MSRA: variants seen among roughly 807,000 people sequenced by gnomAD.
MSRA encodes methionine sulfoxide reductase A.
MSRA carries 54 observed loss-of-function variants against 31.3 expected under a neutral mutation model. That is an observed-to-expected ratio of 1.73 (90% CI 1.39 to 2.17). The LOEUF is 2.17. Ranked by LOEUF, MSRA falls within the 30% of genes most tolerant of loss-of-function variation. The probability of loss-of-function intolerance (pLI) is 0.00; values close to 1 mark genes in which losing one functional copy is unlikely to be tolerated. For synonymous variants in MSRA, 169 were observed against 116.5 expected (o/e 1.45, Z -2.90); for missense variants, 507 against 300.9 (o/e 1.69, Z -5.07).
chr8:10,251,155 C>T (rs987170804), intron 3 of MSRA, among the ~76,000 whole-genome samples: 1 of 151,850 alleles, frequency 6.6e-6, no homozygotes, highest in Non-Finnish European at 1.5e-5. Context: ...CTTGAGAACT[C>T]TAACTGAGCA....
intron 5 of MSRA, among the ~76,000 whole-genome samples, chr8:10,376,821 A>G (rs1341135737): frequency 6.6e-6 from 1 of 152,238 alleles, no homozygotes; most frequent in Non-Finnish European, 1.5e-5. Flanking sequence ...AGAGATTTTC[A>G]TCTAGTGAAA....
At chr8:10,159,862 A>G (rs1018153549) in intron 1 of MSRA, among the ~76,000 whole-genome samples, 3 of 152,174 alleles carry the variant, frequency 2.0e-5, no homozygotes, top group Non-Finnish European at 4.4e-5. Context: ...ACAGGTTTTT[A>G]TGTTTTTGAG....
chr8:10,097,548 G>A lies in MSRA; in HGVS notation c.142+42890G>A, dbSNP rs144295850. Among the ~76,000 whole-genome samples, 1,111 of 152,204 alleles carry A rather than the reference G, an allele frequency of 7.3e-3. 12 individuals are homozygous for A. Among genetic ancestry groups the A allele is most frequent in the African/African-American group, 0.023 (964 of 41,540 alleles). ...ATTGAGCTTCATTTTAATACTGACC[G>A]TCTTATTGCCGATTTATATTTACTT... On this transcript the variant is annotated intron_variant, in intron 1 of 5. Transcript: ENST00000317173.
At chr8:10,074,666 T>G (rs993791579) in intron 1 of MSRA, among the ~76,000 whole-genome samples, 1 of 152,166 alleles carries the variant, frequency 6.6e-6, no homozygotes, top group African/African-American at 2.4e-5. Flanking sequence ...TTTTCTTTTC[T>G]TTTCTTTTTT....
intron 2 of MSRA, among the ~76,000 whole-genome samples, chr8:10,232,641 T>C (rs193113391): frequency 6.6e-5 from 10 of 152,344 alleles, no homozygotes; most frequent in Admixed American, 4.6e-4. Context: ...TTCTTTAAGG[T>C]TCTTCCTGAA....
chr8:10,330,006 A>ATGTGTGTGTGTGTGTGTG (rs72198519), intron 5 of MSRA, among the ~76,000 whole-genome samples: 3 of 135,376 alleles, frequency 2.2e-5, no homozygotes, highest in Non-Finnish European at 3.1e-5. Flanking sequence ...AGAGAAAAAA[A>ATGTGTGTGTGTGTGTGTG]TGTGTGTGTG....
intron 4 of MSRA, among the ~76,000 whole-genome samples, chr8:10,304,786 T>A (rs1459764596): frequency 6.6e-6 from 1 of 152,190 alleles, no homozygotes; most frequent in African/African-American, 2.4e-5. Context: ...TGAAGATATG[T>A]AAGACTGACT....
intron 1 of MSRA, among the ~76,000 whole-genome samples, chr8:10,072,467 G>C (rs1563397795): frequency 6.6e-6 from 1 of 152,068 alleles, no homozygotes. Context: ...TGATCTATGG[G>C]TCTCCCTCTG....
At chr8:10,120,360 A>G (rs983781713) in intron 1 of MSRA, among the ~76,000 whole-genome samples, 1 of 151,896 alleles carries the variant, frequency 6.6e-6, no homozygotes, top group African/African-American at 2.4e-5. Context: ...TGTTATTTGG[A>G]AGAGGTATCA....
chr8:10,275,154 A>T (rs938615696), intron 3 of MSRA, among the ~76,000 whole-genome samples: 2 of 152,040 alleles, frequency 1.3e-5, no homozygotes, highest in African/African-American at 4.8e-5. Flanking sequence ...TAATGTGCCA[A>T]AGAAGATAAG....
At chr8:10,076,651 C>G (rs1042388063) in intron 1 of MSRA, among the ~76,000 whole-genome samples, 14 of 152,106 alleles carry the variant, frequency 9.2e-5, no homozygotes, top group African/African-American at 2.4e-4. Context: ...AGTGAGCTCC[C>G]TTTTGGCAGA....
chr8:10,124,505 C>G (rs950138203), intron 1 of MSRA, among the ~76,000 whole-genome samples: 2 of 152,192 alleles, frequency 1.3e-5, no homozygotes, highest in Non-Finnish European at 2.9e-5. Flanking sequence ...ATGGAAAATT[C>G]TAAAAGTGAC....
chr8:10,310,008 C>T (rs895742078), intron 4 of MSRA, among the ~76,000 whole-genome samples: 1 of 152,252 alleles, frequency 6.6e-6, no homozygotes, highest in Admixed American at 6.5e-5. Flanking sequence ...TCCCCATCAA[C>T]TTGGCAATAA....
intron 3 of MSRA, among the ~76,000 whole-genome samples, chr8:10,258,691 A>G (rs1798310012): frequency 6.6e-6 from 1 of 152,224 alleles, no homozygotes; most frequent in East Asian, 1.9e-4. Context: ...TCTGAACTAT[A>G]GCTCCCTTCT....
chr8:10,158,328 G>A (rs374368838), intron 1 of MSRA, among the ~76,000 whole-genome samples: 23 of 152,294 alleles, frequency 1.5e-4, no homozygotes, highest in Middle Eastern at 3.4e-3. Flanking sequence ...TAAAACGTTT[G>A]CATTACCTCA....
At chr8:10,087,652 G>T (rs1482171853) in intron 1 of MSRA, among the ~76,000 whole-genome samples, 2 of 152,176 alleles carry the variant, frequency 1.3e-5, no homozygotes, top group African/African-American at 4.8e-5. Context: ...ATGGTTGGGA[G>T]AGTGGTTGCC....
chr8:10,260,422 G>T (rs1000281731), intron 3 of MSRA, among the ~76,000 whole-genome samples: 1 of 152,202 alleles, frequency 6.6e-6, no homozygotes, highest in African/African-American at 2.4e-5. Flanking sequence ...CAGAGGAGGA[G>T]GAAGCGGGGG....
At chr8:10,179,350 G>T (rs1256134025) in intron 1 of MSRA, among the ~76,000 whole-genome samples, 1 of 152,202 alleles carries the variant, frequency 6.6e-6, no homozygotes. Flanking sequence ...ACTTTGGGCT[G>T]TAAGGGTTGG....
intron 2 of MSRA, among the ~76,000 whole-genome samples, chr8:10,229,094 T>A (rs939750936): frequency 9.9e-5 from 15 of 152,188 alleles, no homozygotes; most frequent in Admixed American, 3.9e-4. Context: ...TTATAAATAA[T>A]TTAGTTCTAC....
Sources: allele counts gnomAD v4.1 joint callset (sites outside exome capture counted in the v4.1 genomes callset), GRCh38; gene constraint gnomAD v4.1.1; transcripts MANE v1.5; gene names NCBI Gene and HGNC (gene_info 2026-07-23, HGNC 2026-07-21).